IMPA2: variants seen among roughly 807,000 people sequenced by gnomAD.
The protein encoded by IMPA2 is inositol monophosphatase 2.
Under a neutral mutation model 35.1 loss-of-function variants are expected in IMPA2, and 32 were observed. The observed-to-expected ratio is 0.91, with a 90% confidence interval of 0.69 to 1.23. IMPA2 has a LOEUF of 1.23. Among genes scored for constraint, IMPA2 ranks in the 50% most tolerant of loss-of-function variants. IMPA2 has a pLI of 0.00. For synonymous variants in IMPA2, 135 were observed against 160.6 expected (o/e 0.84, Z 1.20); for missense variants, 334 against 387.6 (o/e 0.86, Z 1.16).
chr18:11,985,957 CTT>C (rs1378978402), intron 1 of IMPA2, among the ~76,000 whole-genome samples: 1 of 152,192 alleles, frequency 6.6e-6, no homozygotes, highest in Non-Finnish European at 1.5e-5. Flanking sequence ...AAACAGCTGA[CTT>C]TTGCCCATTA....
chr18:11,993,214 C>T (rs1411763283), intron 1 of IMPA2, among the ~76,000 whole-genome samples: 1 of 152,140 alleles, frequency 6.6e-6, no homozygotes. Context: ...GCCATGAGAA[C>T]CCATATAGAA....
intron 2 of IMPA2, chr18:12,008,643 G>A (rs1437130449): frequency 2.3e-6 from 1 of 437,800 alleles, no homozygotes; most frequent in African/African-American, 2.0e-5. Context: ...GTGTGGGCCT[G>A]CGTGTGGGTG....
chr18:12,004,388 G>A lies in IMPA2; in HGVS notation c.230+5201G>A, dbSNP rs185825656. Among the ~76,000 whole-genome samples the A allele has an allele frequency of 6.4e-3, 979 of 152,238 alleles. 6 individuals are homozygous for A. The highest frequency in any genetic ancestry group is 0.014 in the South Asian group (69 of 4,814). ...GAAAAGTGGTTAAGTTATGCAGTAG[G>A]ATATAATATTCTATAATAACTTATT... On this transcript the variant is annotated intron_variant, in intron 2 of 7. Transcript: ENST00000269159.
At chr18:11,985,254 C>T (rs1466406332) in intron 1 of IMPA2, among the ~76,000 whole-genome samples, 1 of 151,614 alleles carries the variant, frequency 6.6e-6, no homozygotes, top group Admixed American at 6.6e-5. Flanking sequence ...TTCTAAGGTG[C>T]TAAGAAATAC....
chr18:12,012,307 C>A, intron 4 of IMPA2, 92 bp downstream of exon 4: 1 of 1,038,214 alleles, frequency 9.6e-7, no homozygotes, highest in Non-Finnish European at 1.5e-6. Flanking sequence ...GCCTGGTTTG[C>A]TGTTTGCCCT....
At chr18:12,015,360 C>A (rs1026198709) in intron 5 of IMPA2, among the ~76,000 whole-genome samples, 1 of 152,232 alleles carries the variant, frequency 6.6e-6, no homozygotes, top group African/African-American at 2.4e-5. Flanking sequence ...TCTTCATTGT[C>A]TCTATTTATT....
At chr18:11,982,341 T>C (rs1906527488) in intron 1 of IMPA2, among the ~76,000 whole-genome samples, 1 of 152,246 alleles carries the variant, frequency 6.6e-6, no homozygotes, top group Non-Finnish European at 1.5e-5. Flanking sequence ...GAGTTTAAAA[T>C]GGAGTGCAGT....
At chr18:12,017,151 A>G (rs754872533) in intron 5 of IMPA2, among the ~76,000 whole-genome samples, 2 of 152,244 alleles carry the variant, frequency 1.3e-5, no homozygotes, top group Non-Finnish European at 2.9e-5. Context: ...GAAGGCAAGA[A>G]TTTTATTAGC....
rs1338203408 is a variant in IMPA2, at chr18:12,022,529, ATATATAT to A, written c.491-5513_491-5507del. On this transcript the variant is annotated intron_variant, in intron 5 of 7. Transcript: ENST00000269159. The stretch of plus-strand genomic sequence containing the variant: ...AGAATGGGGCTCCATCTCAAAAAGA[ATATATAT>A]ATATATATATATATATATATTTGTG... 1.5e-3 allele frequency among the ~76,000 whole-genome samples: 57 copies of A among 38,658 alleles called. 2 individuals carry two copies. Among genetic ancestry groups the A allele is most frequent in the South Asian group, 7.9e-3 (3 of 380 alleles). The allele number at this position is 38,658 out of a possible 152,430, so 25.4% of individuals were successfully genotyped here.
At chr18:11,997,484 G>GT (rs148273505) in intron 1 of IMPA2, among the ~76,000 whole-genome samples, 32,797 of 151,854 alleles carry the variant, frequency 0.22, 3,802 homozygotes, top group South Asian at 0.4. Context: ...ACATATATCT[G>GT]TTTTTTTTGC....
chr18:12,023,822 A>G (rs1178403172), intron 5 of IMPA2, among the ~76,000 whole-genome samples: 1 of 152,342 alleles, frequency 6.6e-6, no homozygotes, highest in African/African-American at 2.4e-5. Flanking sequence ...GTGTACCTCC[A>G]GGGTGAGCCT....
At chr18:12,009,840 G>C (rs1334359595) in intron 2 of IMPA2, 43 bp from the exon 3 acceptor site, 2 of 1,472,890 alleles carry the variant, frequency 1.4e-6, no homozygotes, top group Non-Finnish European at 1.9e-6. Flanking sequence ...ACGTTATTCT[G>C]TGTCCTTGGT....
rs79531899 is a variant in IMPA2 at position 12,012,073 on chromosome 18, A to C, written c.336-97A>C. On this transcript the variant is annotated intron_variant, in intron 3 of 7. Coordinates refer to ENST00000269159, the MANE Select transcript of IMPA2 (RefSeq NM_014214.3). ...CAACCAACCCACCCAGAGTGTAGGA[A>C]GGTCCTTCTGAGCCTGCGGGGAGCC... The C allele has an allele frequency of 5.2e-3, 5,422 of 1,038,010 alleles. 225 individuals carry two copies. In the East Asian group the frequency reaches 0.099, roughly 19 times the overall value. 64.3% of individuals were successfully genotyped at this position (1,038,010 alleles called of 1,614,324 possible).
intron 2 of IMPA2, among the ~76,000 whole-genome samples, chr18:12,006,630 G>A (rs986911766): frequency 6.6e-6 from 1 of 152,186 alleles, no homozygotes; most frequent in East Asian, 1.9e-4. Context: ...CCAGGGGGCC[G>A]GGGAGGAGGT....
chr18:12,016,826 G>A (rs189304629), intron 5 of IMPA2, among the ~76,000 whole-genome samples: 44 of 152,270 alleles, frequency 2.9e-4, no homozygotes, highest in African/African-American at 9.4e-4. Flanking sequence ...AAAAATAACC[G>A]AGAGGATTAA....
chr18:11,993,321 A>C (rs1215867152), intron 1 of IMPA2, among the ~76,000 whole-genome samples: 2 of 152,370 alleles, frequency 1.3e-5, no homozygotes, highest in Admixed American at 6.5e-5. Context: ...ACATCCTGGA[A>C]GGGAATTTTT....
Position 12,019,373 on chromosome 18 carries a change from G to A in IMPA2, c.490+5000G>A, listed in dbSNP as rs144463980. Among the ~76,000 whole-genome samples the A allele has an allele frequency of 4.9e-3, 740 of 151,692 alleles. 2 individuals carry two copies. The highest frequency in any genetic ancestry group is 9.3e-3 in the Admixed American group (141 of 15,238). ...AGGTTCCAGTGATTCTCCCACCTCA[G>A]CTTCCGGAGTAGCTGGAATTATAGG... On this transcript the variant is annotated intron_variant, in intron 5 of 7. Transcript: ENST00000269159.
intron 1 of IMPA2, among the ~76,000 whole-genome samples, chr18:11,995,439 T>C (rs1158032374): frequency 1.3e-5 from 2 of 152,364 alleles, no homozygotes; most frequent in East Asian, 1.9e-4. Context: ...AAGGCAGCTC[T>C]GTGCTTGCTC....
chr18:11,999,674 C>T (rs907112308), intron 2 of IMPA2, among the ~76,000 whole-genome samples: 2 of 152,274 alleles, frequency 1.3e-5, no homozygotes, highest in African/African-American at 4.8e-5. Context: ...TGCACGCCCC[C>T]TCGCCCAGGC....
Sources: allele counts gnomAD v4.1 joint callset (sites outside exome capture counted in the v4.1 genomes callset), GRCh38; gene constraint gnomAD v4.1.1; transcripts MANE v1.5; gene names NCBI Gene and HGNC (gene_info 2026-07-23, HGNC 2026-07-21).